CRAT: variants seen among roughly 807,000 people sequenced by gnomAD.
CRAT encodes the protein carnitine O-acetyltransferase.
In CRAT, 66 loss-of-function variants were observed where a neutral mutation model predicts 73.7. The observed-to-expected ratio is 0.90, with a 90% CI of 0.73 to 1.10. CRAT has a LOEUF of 1.10. CRAT is among the 50% of genes least tolerant of loss of function. The pLI, the probability that CRAT is intolerant of heterozygous loss-of-function variation, is 0.00. For synonymous variants in CRAT, 321 were observed against 343.2 expected (o/e 0.94, Z 0.71); for missense variants, 745 against 846.9 (o/e 0.88, Z 1.49).
Position 129,108,179 on chromosome 9 carries a change from A to C in CRAT, c.28-102T>G, listed in dbSNP as rs1270217027. The C allele has an allele frequency of 2.9e-5, 40 of 1,401,770 alleles. No homozygotes were observed. The East Asian group carries it at 9.9e-4, about 35-fold the overall frequency. 86.8% of individuals were successfully genotyped at this position (1,401,770 alleles called of 1,614,324 possible). A position where few individuals can be genotyped will look rare whatever the true frequency, so the allele number is the denominator to read the frequency against. Reference sequence around the variant, plus strand: ...CACTTAAGTGCCCATCCCTGGGGGCAGAGACGGCCTCTTGGGTGGGGCTGG... The same window carrying C: ...CACTTAAGTGCCCATCCCTGGGGGCCGAGACGGCCTCTTGGGTGGGGCTGG... On this transcript the variant is annotated intron_variant, in intron 1 of 13. Transcript: ENST00000318080.
chr9:129,100,511 C>T lies in CRAT; in HGVS notation c.984G>A (p.Gln328=), dbSNP rs1263717914. 1.2e-6 allele frequency: 2 copies of T among 1,612,112 alleles called. No individual in the cohort carries two copies. Among genetic ancestry groups the T allele is most frequent in the Non-Finnish European group, 1.7e-6 (2 of 1,179,284 alleles). The change falls in exon 7 of 14, where the codon CAG becomes CAA. Residue 328 remains glutamine (Q), a splice_region_variant and synonymous_variant. Coordinates refer to ENST00000318080, the MANE Select transcript of CRAT (RefSeq NM_000755.5). ...SGNRWFDKTL[Q]FIVAEDGSCG... ...TGGGCGAAGCCCTGCCGGGCCTCACCTGCAGCGTCTTGTCGAACCAGCGGT... is the reference window on the plus strand; with the variant it reads ...TGGGCGAAGCCCTGCCGGGCCTCACTTGCAGCGTCTTGTCGAACCAGCGGT...
intron 1 of CRAT, chr9:129,108,551 G>A (rs1848163938): frequency 8.9e-7 from 1 of 1,128,052 alleles, no homozygotes; most frequent in Non-Finnish European, 1.1e-6. Context: ...ACCTTCGGGT[G>A]AGGGGCCTTG....
chr9:129,100,255 T>A (rs934837585), intron 7 of CRAT: 1 of 586,028 alleles, frequency 1.7e-6, no homozygotes, highest in Admixed American at 3.1e-5. Context: ...ATTGCACTGG[T>A]GACCCCGGAT....
chr9:129,102,878 AGAG>A, intron 4 of CRAT, 132 bp downstream of exon 4: 1 of 870,410 alleles, frequency 1.1e-6, no homozygotes, highest in Non-Finnish European at 2.0e-6. Flanking sequence ...TCACCCACCA[AGAG>A]GAGATTCCAG....
Position 129,100,586 on chromosome 9 carries a change from G to T in CRAT, c.909C>A (p.His303Gln), listed in dbSNP as rs550702669. Reference sequence around the variant, plus strand: ...CCCCATGCAGCATCTGGCCTGCCACGTGGCTGCGGTACACGTCTTCTGAGA... The same window carrying T: ...CCCCATGCAGCATCTGGCCTGCCACTTGGCTGCGGTACACGTCTTCTGAGA... Reference protein sequence around the residue: ...PRVSEDVYRSHVAGQMLHGGG... With the variant: ...PRVSEDVYRSQVAGQMLHGGG... Residue 303 changes from histidine (H) to glutamine (Q), a missense_variant, in exon 7 of 14, where the codon CAC (histidine) becomes CAA (glutamine). Transcript: ENST00000318080. 3 of 1,614,030 alleles carry T rather than the reference G, an allele frequency of 1.9e-6. No homozygotes were observed. Among genetic ancestry groups the T allele is most frequent in the Non-Finnish European group, 2.5e-6 (3 of 1,180,006 alleles).
chr9:129,110,416 C>T lies in CRAT; in HGVS notation c.27+67G>A. The T allele has an allele frequency of 6.8e-7, 1 of 1,466,936 alleles. No homozygotes were observed. Among genetic ancestry groups the T allele is most frequent in the South Asian group, 1.3e-5 (1 of 77,296 alleles). The allele number at this position is 1,466,936 out of a possible 1,614,324, so 90.9% of individuals were successfully genotyped here. A position where few individuals can be genotyped will look rare whatever the true frequency, so the allele number is the denominator to read the frequency against. On this transcript the variant is annotated intron_variant, in intron 1 of 13. Coordinates refer to ENST00000318080, the MANE Select transcript of CRAT (RefSeq NM_000755.5). The surrounding 1 kb of genome is among the most constrained non-coding windows in gnomAD (Gnocchi z 5.3). ...CGGCCGCAGGACGCGGTCTCCGTTC[C>T]CGGACGCAACCGCACGGCCCGCCCA...
At chr9:129,100,312 C>A (rs537620339) in intron 7 of CRAT, 199 bp downstream of exon 7, 2 of 650,236 alleles carry the variant, frequency 3.1e-6, no homozygotes, top group African/African-American at 1.8e-5. Context: ...GGGGTGACAG[C>A]GGTTTCCAGG....
rs1399312894 is a variant in CRAT, at chr9:129,104,605, A to T, written c.292-299T>A. On this transcript the variant is annotated intron_variant, in intron 2 of 13. Transcript: ENST00000318080. ...TGGGGAGGGGCAGCAAGGTGAACGA[A>T]TTCTTTTTTTTTTTTTTGAGACAGG... 9.0e-5 allele frequency among the ~76,000 whole-genome samples: 4 copies of T among 44,578 alleles called. No homozygotes were observed. The South Asian group carries it at 3.4e-3, about 38-fold the overall frequency. 29.2% of individuals were successfully genotyped at this position (44,578 alleles called of 152,430 possible). A position where few individuals can be genotyped will look rare whatever the true frequency, so the allele number is the denominator to read the frequency against.
rs143675152 is a variant in CRAT at position 129,107,455 on chromosome 9, G to C, written c.291+359C>G. 6.4e-5 allele frequency: 38 copies of C among 597,274 alleles called. No individual in the cohort carries two copies. The Admixed American group carries it at 1.1e-3, about 17-fold the overall frequency. The allele number at this position is 597,274 out of a possible 1,614,324, so 37.0% of individuals were successfully genotyped here. A position where few individuals can be genotyped will look rare whatever the true frequency, so the allele number is the denominator to read the frequency against. On this transcript the variant is annotated intron_variant, in intron 2 of 13. Transcript: ENST00000318080. The surrounding 1 kb of genome is among the most constrained non-coding windows in gnomAD (Gnocchi z 5.0). ...CATAGATCAGATACAGAACCTGGGCGATCGGTCACTGAGTGACACATATCC... is the reference window on the plus strand; with the variant it reads ...CATAGATCAGATACAGAACCTGGGCCATCGGTCACTGAGTGACACATATCC...
chr9:129,108,598 G>A, intron 1 of CRAT: 1 of 1,067,892 alleles, frequency 9.4e-7, no homozygotes, highest in Non-Finnish European at 1.2e-6. Context: ...CAGGGGTGGG[G>A]TGAGGGCAGT....
At chr9:129,102,314 A>G in intron 5 of CRAT, 86 bp downstream of exon 5, 4 of 1,552,394 alleles carry the variant, frequency 2.6e-6, no homozygotes, top group Non-Finnish European at 3.5e-6. Context: ...GTGCTGGGGA[A>G]CCCCAGTGGG....
chr9:129,110,303 T>C lies in CRAT; in HGVS notation c.27+180A>G, dbSNP rs1413912367. On this transcript the variant is annotated intron_variant, in intron 1 of 13. Transcript: ENST00000318080. This position sits in a 1 kb window ranked among gnomAD's most constrained non-coding sequence, Gnocchi z 5.3. The stretch of plus-strand genomic sequence containing the variant: ...CTCCAGGACGTGGGTTTAATCCCGC[T>C]TCTGACCTTGCGCCCCAATCTCCTG... Among the ~76,000 whole-genome samples the C allele has an allele frequency of 6.6e-6, 1 of 152,188 alleles. No individual in the cohort carries two copies. The highest frequency in any genetic ancestry group is 2.4e-5 in the African/African-American group (1 of 41,462).
Position 129,100,616 on chromosome 9 carries a change from G to C in CRAT, c.879C>G (p.Pro293=), listed in dbSNP as rs528068632. The C allele has an allele frequency of 6.2e-7, 1 of 1,613,964 alleles. No individual in the cohort carries two copies. Among genetic ancestry groups the C allele is most frequent in the Admixed American group, 1.7e-5 (1 of 60,000 alleles). The change falls in exon 7 of 14, where the codon CCC becomes CCG. Residue 293 remains proline, a synonymous_variant. Transcript: ENST00000318080. ...TGCGGTACACGTCTTCTGAGACCCT[G>C]GGCATGGTTGCATCTAGGCACACGG... ...IFTVCLDATM[P]RVSEDVYRSH... is the part of the protein sequence containing the mutation.
intron 7 of CRAT, 137 bp downstream of exon 7, chr9:129,100,374 G>T: frequency 2.7e-6 from 3 of 1,094,132 alleles, no homozygotes; most frequent in South Asian, 3.2e-5. Flanking sequence ...TTACGGCAGC[G>T]TCCAGCCTGC....
At chr9:129,102,707 C>T in intron 4 of CRAT, 142 bp from the exon 5 acceptor site, 1 of 1,025,602 alleles carries the variant, frequency 9.8e-7, no homozygotes, top group Non-Finnish European at 1.5e-6. Flanking sequence ...CACCTCAGGG[C>T]TGTGCTGTGG....
chr9:129,110,542 T>C lies in CRAT; in HGVS notation c.-33A>G. Reference sequence around the variant, plus strand: ...GCCCGTCCGCGGACACGCAGTCCGCTCCGCCCCACACACCGGGCAAAGTCC... The same window carrying C: ...GCCCGTCCGCGGACACGCAGTCCGCCCCGCCCCACACACCGGGCAAAGTCC... On this transcript the variant is annotated 5_prime_UTR_variant, in exon 1 of 14. Coordinates refer to ENST00000318080, the MANE Select transcript of CRAT (RefSeq NM_000755.5). The surrounding 1 kb of genome is among the most constrained non-coding windows in gnomAD (Gnocchi z 5.3). 3.2e-6 allele frequency: 5 copies of C among 1,572,466 alleles called. No homozygotes were observed. Among genetic ancestry groups the C allele is most frequent in the Non-Finnish European group, 4.3e-6 (5 of 1,166,294 alleles).
Position 129,095,265 on chromosome 9 carries a change from G to A in CRAT, c.*132C>T, listed in dbSNP as rs369183439. On this transcript the variant is annotated 3_prime_UTR_variant, in exon 14 of 14. Transcript: ENST00000318080. ...GCAGGCCCCCTGGAGGATGCGGTCC[G>A]TGGCTCAGTAGATTTGGGGGGACCA... is the stretch of plus-strand genomic sequence containing the variant. 4.4e-5 allele frequency: 44 copies of A among 1,009,016 alleles called. No individual in the cohort carries two copies. Among genetic ancestry groups the A allele is most frequent in the Admixed American group, 1.2e-4 (5 of 43,286 alleles). 62.5% of individuals were successfully genotyped at this position (1,009,016 alleles called of 1,614,324 possible).
intron 5 of CRAT, 55 bp from the exon 6 acceptor site, chr9:129,102,112 G>C (rs1847711192): frequency 6.4e-7 from 1 of 1,569,272 alleles, no homozygotes; most frequent in Non-Finnish European, 8.7e-7. Context: ...CTCAGGCTGA[G>C]AGCAGCCACC....
At chr9:129,098,715 C>A in intron 8 of CRAT, 65 bp from the exon 9 acceptor site, 1 of 1,543,744 alleles carries the variant, frequency 6.5e-7, no homozygotes, top group South Asian at 1.2e-5. Context: ...ATTCTGGGAC[C>A]AGGGTGGGGA....
Sources: allele counts gnomAD v4.1 joint callset (sites outside exome capture counted in the v4.1 genomes callset), GRCh38; gene constraint gnomAD v4.1.1; non-coding constraint Gnocchi (gnomAD v3.1); transcripts MANE v1.5; gene names NCBI Gene and HGNC (gene_info 2026-07-23, HGNC 2026-07-21).